Variants in HAT1 observed in about 807,000 individuals in gnomAD.
The protein encoded by HAT1 is histone acetyltransferase type B catalytic subunit.
HAT1 carries 20 observed loss-of-function variants against 56.6 expected under a neutral mutation model. That is an observed-to-expected ratio of 0.35 (90% CI 0.25 to 0.51). The LOEUF (loss-of-function observed/expected upper bound fraction) is 0.51. HAT1 is among the 20% of genes least tolerant of loss of function. The probability of loss-of-function intolerance (pLI) is 0.95; values close to 1 mark genes in which losing one functional copy is unlikely to be tolerated. For synonymous variants in HAT1, 146 were observed against 165.5 expected (o/e 0.88, Z 0.91); for missense variants, 408 against 504.3 (o/e 0.81, Z 1.83).
chr2:171,967,533 C>G (rs1291414214), intron 8 of HAT1, among the ~76,000 whole-genome samples: 1 of 151,940 alleles, frequency 6.6e-6, no homozygotes, highest in African/African-American at 2.4e-5. Flanking sequence ...AGACGACTTA[C>G]TCGACTTACT....
At chr2:171,953,653 A>AAAAAAAAAC (rs1687369053) in intron 4 of HAT1, among the ~76,000 whole-genome samples, 1 of 129,822 alleles carries the variant, frequency 7.7e-6, no homozygotes, top group Non-Finnish European at 1.7e-5. Context: ...AAAAAAAAAA[A>AAAAAAAAAC]AATTAAGGTT....
chr2:171,938,527 A>G (rs1319540017), intron 2 of HAT1, among the ~76,000 whole-genome samples: 1 of 152,176 alleles, frequency 6.6e-6, no homozygotes, highest in South Asian at 2.1e-4. Context: ...AGACAGTTCC[A>G]TCTGGGGGTG....
At chr2:171,974,524 A>G (rs1320696762) in intron 8 of HAT1, among the ~76,000 whole-genome samples, 1 of 152,174 alleles carries the variant, frequency 6.6e-6, no homozygotes, top group Non-Finnish European at 1.5e-5. Context: ...GTAAATAAAG[A>G]CATTTTTACC....
chr2:171,932,647 C>T (rs1686775513), intron 2 of HAT1, among the ~76,000 whole-genome samples: 1 of 152,182 alleles, frequency 6.6e-6, no homozygotes, highest in South Asian at 2.1e-4. Flanking sequence ...GCAGAAGGAT[C>T]GCTTGAGCCC....
chr2:171,955,404 G>A (rs1247604989), intron 4 of HAT1, among the ~76,000 whole-genome samples: 2 of 152,126 alleles, frequency 1.3e-5, no homozygotes, highest in African/African-American at 4.8e-5. Context: ...CTGAGGTCAG[G>A]AGTTTGAGAC....
intron 4 of HAT1, among the ~76,000 whole-genome samples, chr2:171,955,690 G>A (rs763194561): frequency 9.2e-5 from 14 of 152,086 alleles, no homozygotes; most frequent in Non-Finnish European, 1.9e-4. Flanking sequence ...AGGAGTGTAG[G>A]AGAGAACACC....
At chr2:171,947,963 A>T (rs2105320577) in intron 3 of HAT1, among the ~76,000 whole-genome samples, 1 of 152,368 alleles carries the variant, frequency 6.6e-6, no homozygotes, top group East Asian at 1.9e-4. Flanking sequence ...TCATTGAAAT[A>T]GTTACTTTTT....
chr2:171,924,853 A>G (rs1686542175), intron 1 of HAT1: 1 of 152,154 alleles, frequency 6.6e-6, no homozygotes, highest in Non-Finnish European at 1.5e-5. Flanking sequence ...TTCTGTCATA[A>G]TTATCAGAGG....
intron 3 of HAT1, among the ~76,000 whole-genome samples, chr2:171,950,164 GTTT>G (rs1321732598): frequency 6.6e-6 from 1 of 151,760 alleles, no homozygotes; most frequent in East Asian, 1.9e-4. Flanking sequence ...GGGGTTTTGG[GTTT>G]TTTTGTTTGT....
chr2:171,977,439 G>C (rs191757759), intron 9 of HAT1, among the ~76,000 whole-genome samples: 1 of 143,348 alleles, frequency 7.0e-6, no homozygotes, highest in Non-Finnish European at 1.5e-5. Flanking sequence ...TCCAGCCTGG[G>C]CAACAGAGAG....
intron 8 of HAT1, among the ~76,000 whole-genome samples, chr2:171,970,680 C>T (rs1193943977): frequency 9.4e-5 from 14 of 149,654 alleles, no homozygotes; most frequent in East Asian, 2.1e-4. Flanking sequence ...CCACCATGCC[C>T]GGCTAATTTT....
At chr2:171,976,404 C>T in intron 9 of HAT1, 96 bp downstream of exon 9, 1 of 597,170 alleles carries the variant, frequency 1.7e-6, no homozygotes, top group Non-Finnish European at 2.6e-6. Flanking sequence ...ATTAAGAATA[C>T]ATGTGTGGGA....
intron 4 of HAT1, 121 bp downstream of exon 4, chr2:171,953,122 A>G: frequency 1.9e-6 from 1 of 513,340 alleles, no homozygotes; most frequent in Non-Finnish European, 3.3e-6. Flanking sequence ...AGGGGGGCAG[A>G]TCTTTTGATC....
rs1574063664 is a variant in HAT1 at position 171,970,521 on chromosome 2, T to C, written c.823+3572T>C. 6.8e-5 allele frequency among the ~76,000 whole-genome samples: 3 copies of C among 43,890 alleles called. 1 individual carries two copies. The highest frequency in any genetic ancestry group is 1.3e-4 in the Non-Finnish European group (2 of 15,030). 28.8% of individuals were successfully genotyped at this position (43,890 alleles called of 152,430 possible). The stretch of plus-strand genomic sequence containing the variant: ...CTTTTTTTTTTTTTTTTTTTTTTTT[T>C]TTTTTTTTTTTTTTTTGAGACGGAG... On this transcript the variant is annotated intron_variant, in intron 8 of 10. Coordinates refer to ENST00000264108, the MANE Select transcript of HAT1 (RefSeq NM_003642.4).
chr2:171,936,254 AG>A (rs1382290794), intron 2 of HAT1, among the ~76,000 whole-genome samples: 1 of 152,190 alleles, frequency 6.6e-6, no homozygotes, highest in African/African-American at 2.4e-5. Flanking sequence ...GTGTGTGGGG[AG>A]AGAGACATTA....
chr2:171,947,483 T>C (rs1316642047), intron 3 of HAT1, among the ~76,000 whole-genome samples: 2 of 152,018 alleles, frequency 1.3e-5, no homozygotes, highest in Non-Finnish European at 1.5e-5. Flanking sequence ...CTTGAACTCC[T>C]GGCCTCAAGT....
chr2:171,973,198 T>C (rs1010534060), intron 8 of HAT1, among the ~76,000 whole-genome samples: 6 of 152,176 alleles, frequency 3.9e-5, no homozygotes, highest in Admixed American at 2.0e-4. Context: ...TTGGGGAATA[T>C]TGTACTGCCT....
chr2:171,958,555 T>C (rs1034423877), intron 4 of HAT1, among the ~76,000 whole-genome samples: 6 of 152,184 alleles, frequency 3.9e-5, no homozygotes, highest in Non-Finnish European at 8.8e-5. Context: ...TCCAAAATGC[T>C]GGGATTACAG....
chr2:171,935,913 G>T (rs1292767725), intron 2 of HAT1, among the ~76,000 whole-genome samples: 1 of 151,776 alleles, frequency 6.6e-6, no homozygotes, highest in Non-Finnish European at 1.5e-5. Flanking sequence ...AAGAATTGGG[G>T]GTATAGGGAG....
Sources: gnomAD v4.1 joint callset for allele counts (sites outside exome capture counted in the v4.1 genomes callset) on GRCh38, gnomAD v4.1.1 for gene constraint, MANE v1.5 for transcripts, NCBI Gene and HGNC (gene_info 2026-07-23, HGNC 2026-07-21) for gene names.